Variants in RASAL2 observed in about 807,000 individuals in gnomAD.
RASAL2 encodes the protein ras GTPase-activating protein nGAP.
Under a neutral mutation model 128.9 loss-of-function variants are expected in RASAL2, and 58 were observed. The observed-to-expected ratio is 0.45, with a 90% CI of 0.36 to 0.56. The LOEUF is 0.56. Ranked by LOEUF, RASAL2 falls within the 20% of genes least tolerant of loss-of-function variation. The pLI, the probability that RASAL2 is intolerant of heterozygous loss-of-function variation, is 0.00. For missense variants in RASAL2, 1,360 were observed against 1,601.6 expected (o/e 0.85, Z 2.57); for synonymous variants, 561 against 580.8 (o/e 0.97, Z 0.49).
intron 3 of RASAL2, among the ~76,000 whole-genome samples, chr1:178,309,160 A>C (rs1338039467): frequency 6.6e-6 from 1 of 152,180 alleles, no homozygotes; most frequent in African/African-American, 2.4e-5. Flanking sequence ...TAAAGATCAA[A>C]ATCTTTATAA....
chr1:178,148,682 C>A (rs1213862817), intron 1 of RASAL2, among the ~76,000 whole-genome samples: 3 of 151,984 alleles, frequency 2.0e-5, no homozygotes, highest in African/African-American at 7.3e-5. Flanking sequence ...CAAGCTCAAG[C>A]AATACACTAC....
At chr1:178,361,540 G>A (rs979677168) in intron 3 of RASAL2, among the ~76,000 whole-genome samples, 1 of 151,798 alleles carries the variant, frequency 6.6e-6, no homozygotes, top group African/African-American at 2.4e-5. Context: ...CATATGTGTG[G>A]ATTCAACCAA....
intron 1 of RASAL2, among the ~76,000 whole-genome samples, chr1:178,162,749 G>A (rs1381790188): frequency 1.3e-5 from 2 of 150,408 alleles, no homozygotes; most frequent in Admixed American, 1.3e-4. Context: ...CACCATGCTC[G>A]TCTAATTTCT....
At chr1:178,269,027 G>A (rs1411355644) in intron 1 of RASAL2, among the ~76,000 whole-genome samples, 2 of 152,124 alleles carry the variant, frequency 1.3e-5, no homozygotes, top group African/African-American at 2.4e-5. Context: ...TTATGTTGAA[G>A]CCTTCTATCT....
intron 3 of RASAL2, chr1:178,341,684 CA>C: frequency 6.3e-7 from 1 of 1,590,976 alleles, no homozygotes; most frequent in Non-Finnish European, 8.6e-7. Context: ...AAAAATTACA[CA>C]AATGCAGTGA....
chr1:178,285,945 A>G (rs1167540346), intron 2 of RASAL2, among the ~76,000 whole-genome samples: 1 of 152,226 alleles, frequency 6.6e-6, no homozygotes, highest in East Asian at 1.9e-4. Context: ...CTTTTGTCTC[A>G]TAATATAACT....
chr1:178,137,240 G>A (rs981075396), intron 1 of RASAL2, among the ~76,000 whole-genome samples: 1 of 152,196 alleles, frequency 6.6e-6, no homozygotes, highest in Non-Finnish European at 1.5e-5. Context: ...ATAAACTTGG[G>A]TAGAAGGGAT....
intron 1 of RASAL2, among the ~76,000 whole-genome samples, chr1:178,153,060 T>A (rs1660966075): frequency 1.3e-5 from 2 of 152,198 alleles, no homozygotes; most frequent in South Asian, 4.1e-4. Flanking sequence ...TTGGTAGTTG[T>A]TATATTTCTA....
At chr1:178,318,254 A>G (rs1330481760) in intron 3 of RASAL2, among the ~76,000 whole-genome samples, 2 of 148,508 alleles carry the variant, frequency 1.3e-5, no homozygotes, top group South Asian at 2.2e-4. Flanking sequence ...TGGTGCTGAA[A>G]AAAATGTATA....
At chr1:178,234,678 A>G (rs1244166764) in intron 1 of RASAL2, among the ~76,000 whole-genome samples, 4 of 152,116 alleles carry the variant, frequency 2.6e-5, no homozygotes, top group African/African-American at 9.7e-5. Context: ...AAACCTTAGC[A>G]CTGGAAGCTT....
intron 2 of RASAL2, among the ~76,000 whole-genome samples, chr1:178,290,483 T>C (rs1667228025): frequency 6.6e-6 from 1 of 152,172 alleles, no homozygotes; most frequent in Non-Finnish European, 1.5e-5. Context: ...CTATCATTAT[T>C]TGTAGTATTG....
chr1:178,098,587 G>A lies in RASAL2; in HGVS notation c.202+3893G>A, dbSNP rs938391269. Among the ~76,000 whole-genome samples the A allele has an allele frequency of 3.3e-5, 5 of 152,144 alleles. No homozygotes were observed. In the East Asian group the frequency reaches 9.6e-4, roughly 29 times the overall value. ...GATCCCAATCTCTAGGATTGCCTGC[G>A]GTGGAGCTCTGCACTCATCAGTATG... On this transcript the variant is annotated intron_variant, in intron 1 of 17. Coordinates refer to ENST00000367649, the MANE Select transcript of RASAL2 (RefSeq NM_170692.4).
At chr1:178,307,373 A>G (rs559405458) in intron 3 of RASAL2, among the ~76,000 whole-genome samples, 5 of 152,256 alleles carry the variant, frequency 3.3e-5, no homozygotes, top group Admixed American at 2.0e-4. Flanking sequence ...AAAACCTAGG[A>G]AAAAACTATT....
intron 1 of RASAL2, among the ~76,000 whole-genome samples, chr1:178,203,335 T>C (rs1400505856): frequency 1.3e-5 from 2 of 152,214 alleles, no homozygotes; most frequent in Non-Finnish European, 2.9e-5. Context: ...GCTGGATTGA[T>C]AGAACGGTAG....
chr1:178,289,337 T>G (rs1415862548), intron 2 of RASAL2, among the ~76,000 whole-genome samples: 2 of 152,274 alleles, frequency 1.3e-5, no homozygotes, highest in East Asian at 3.9e-4. Context: ...CTTTACAGAT[T>G]TCTCTTCTTC....
intron 3 of RASAL2, among the ~76,000 whole-genome samples, chr1:178,345,799 C>T (rs898442122): frequency 3.9e-5 from 6 of 152,110 alleles, no homozygotes; most frequent in South Asian, 4.1e-4. Context: ...TGTGTGAGTA[C>T]ATAGAATTGA....
intron 14 of RASAL2, among the ~76,000 whole-genome samples, chr1:178,459,204 G>C (rs1057337038): frequency 1.3e-5 from 2 of 151,980 alleles, no homozygotes; most frequent in African/African-American, 2.4e-5. Flanking sequence ...CTTAATATAA[G>C]TTTTTCTAAT....
chr1:178,325,037 A>G (rs1243588622), intron 3 of RASAL2, among the ~76,000 whole-genome samples: 1 of 151,964 alleles, frequency 6.6e-6, no homozygotes, highest in African/African-American at 2.4e-5. Flanking sequence ...TTTAAAGCCT[A>G]TTTTCTTTTC....
At chr1:178,432,243 CAT>C (rs919900722) in intron 5 of RASAL2, among the ~76,000 whole-genome samples, 100 of 152,180 alleles carry the variant, frequency 6.6e-4, no homozygotes, top group African/African-American at 2.4e-3. Context: ...TTCACTTCCT[CAT>C]ATTTCATTCA....
Sources: allele counts gnomAD v4.1 joint callset (sites outside exome capture counted in the v4.1 genomes callset), GRCh38; gene constraint gnomAD v4.1.1; transcripts MANE v1.5; gene names NCBI Gene and HGNC (gene_info 2026-07-23, HGNC 2026-07-21).